Variants in THBS4 observed in about 807,000 individuals in gnomAD.
THBS4 encodes thrombospondin-4.
Under a neutral mutation model 115.7 loss-of-function variants are expected in THBS4, and 90 were observed. The observed-to-expected ratio is 0.78, with a 90% confidence interval of 0.66 to 0.93. THBS4 has a LOEUF of 0.93. Ranked by LOEUF, THBS4 falls within the 40% of genes least tolerant of loss-of-function variation. The pLI, the probability that THBS4 is intolerant of heterozygous loss-of-function variation, is 0.00. For missense variants in THBS4, 1,087 were observed against 1,232.7 expected (o/e 0.88, Z 1.77); for synonymous variants, 460 against 479.3 (o/e 0.96, Z 0.53).
At chr5:80,005,929 G>A (rs949389012) in intron 2 of THBS4, among the ~76,000 whole-genome samples, 1 of 151,822 alleles carries the variant, frequency 6.6e-6, no homozygotes, top group Non-Finnish European at 1.5e-5. Flanking sequence ...ATCATGCCCA[G>A]CTAATTTTTG....
chr5:80,067,922 G>A, intron 9 of THBS4, 51 bp from the exon 10 acceptor site: 1 of 1,599,664 alleles, frequency 6.3e-7, no homozygotes, highest in East Asian at 2.2e-5. Flanking sequence ...TGCTCAAACT[G>A]TACCTTTGCC....
intron 2 of THBS4, among the ~76,000 whole-genome samples, chr5:80,050,439 A>G (rs1833218881): frequency 6.6e-6 from 1 of 151,924 alleles, no homozygotes; most frequent in Non-Finnish European, 1.5e-5. Flanking sequence ...CCTGGGTGTG[A>G]TGGCAGAAAT....
intron 14 of THBS4, 106 bp from the exon 15 acceptor site, chr5:80,073,169 A>G: frequency 1.7e-6 from 2 of 1,204,972 alleles, no homozygotes; most frequent in African/African-American, 3.0e-5. Context: ...CCGGTTCCAG[A>G]GAAATAATTC....
At chr5:80,017,401 C>T (rs1349180845) in intron 2 of THBS4, among the ~76,000 whole-genome samples, 1 of 152,020 alleles carries the variant, frequency 6.6e-6, no homozygotes, top group African/African-American at 2.4e-5. Flanking sequence ...TCAATTTCTT[C>T]CATCTACTAA....
intron 2 of THBS4, among the ~76,000 whole-genome samples, chr5:80,051,220 G>A (rs959049255): frequency 5.9e-5 from 9 of 152,198 alleles, no homozygotes; most frequent in African/African-American, 1.9e-4. Flanking sequence ...CCAACAGGCT[G>A]CAGGCTCCTG....
rs76107321 is a variant in THBS4, at chr5:80,024,376, T to C, written n.178-15701T>C. 5.4e-3 allele frequency among the ~76,000 whole-genome samples: 817 copies of C among 152,322 alleles called. 10 individuals are homozygous for C. The highest frequency in any genetic ancestry group is 0.019 in the African/African-American group (779 of 41,566). On this transcript the variant is annotated intron_variant and non_coding_transcript_variant, in intron 2 of 3. Transcript: ENST00000510218. ...ATCCTGGGAATCAGTTTCAGGTCCC[T>C]GAAGTCAGAAGCCCAATGCTGTTCA...
chr5:79,991,555 C>A, intron 1 of THBS4: 1 of 268,310 alleles, frequency 3.7e-6, no homozygotes, highest in Non-Finnish European at 6.9e-6. Context: ...AGGGATGACC[C>A]AGTATTTACA....
At chr5:80,064,723 C>A (rs575254036) in intron 8 of THBS4, among the ~76,000 whole-genome samples, 67 of 152,184 alleles carry the variant, frequency 4.4e-4, no homozygotes, top group Middle Eastern at 3.4e-3. Context: ...CAGAGCAAGA[C>A]CCTGTCTCAA....
intron 15 of THBS4, 24 bp downstream of exon 15, chr5:80,073,351 G>A: frequency 6.2e-7 from 1 of 1,610,426 alleles, no homozygotes; most frequent in Non-Finnish European, 8.5e-7. Flanking sequence ...CCCAACTGCA[G>A]AGAGACAGAT....
At chr5:80,014,596 G>A (rs936176373) in intron 2 of THBS4, among the ~76,000 whole-genome samples, 17 of 152,196 alleles carry the variant, frequency 1.1e-4, no homozygotes, top group African/African-American at 3.9e-4. Flanking sequence ...GGGAGAAAGT[G>A]TCTGATACCA....
At chr5:80,067,230 G>A (rs1007653669) in intron 9 of THBS4, 1 of 151,608 alleles carries the variant, frequency 6.6e-6, no homozygotes, top group African/African-American at 2.4e-5. Context: ...TTAACTGACT[G>A]TGGTAATCAT....
rs759241386 is a variant in THBS4 at position 80,078,111 on chromosome 5, G to A, written c.2149G>A (p.Asp717Asn). 5 of 1,611,210 alleles carry A rather than the reference G, an allele frequency of 3.1e-6. No individual in the cohort carries two copies. Among genetic ancestry groups the A allele is most frequent in the African/African-American group, 1.3e-5 (1 of 75,010 alleles). Reference sequence around the variant, plus strand: ...CCAGGACCAGGTCATCGATCGGATCGACGTCTGCCCAGAGAACGCAGAGGT... The same window carrying A: ...CCAGGACCAGGTCATCGATCGGATCAACGTCTGCCCAGAGAACGCAGAGGT... ...FDQDQVIDRI[D>N]VCPENAEVTL... The change falls in exon 17 of 22, where the codon GAC becomes AAC. Residue 717 changes from aspartate to asparagine, a missense_variant. Transcript: ENST00000350881.
chr5:80,035,764 A>G lies in THBS4; in HGVS notation c.88+139A>G. On this transcript the variant is annotated intron_variant, in intron 1 of 21. Coordinates refer to ENST00000350881, the MANE Select transcript of THBS4 (RefSeq NM_003248.6). This position sits in a 1 kb window ranked among gnomAD's most constrained non-coding sequence, Gnocchi z 4.6. ...TGTCCCTCCCGGGCCCAATCAAAGCATATTGTGATTGGAGGTAGTGATTAG... is the reference window on the plus strand; with the variant it reads ...TGTCCCTCCCGGGCCCAATCAAAGCGTATTGTGATTGGAGGTAGTGATTAG... 3 of 624,408 alleles carry G rather than the reference A, an allele frequency of 4.8e-6. No individual in the cohort carries two copies. Among genetic ancestry groups the G allele is most frequent in the Non-Finnish European group, 4.6e-6 (2 of 431,964 alleles). 38.7% of individuals were successfully genotyped at this position (624,408 alleles called of 1,614,324 possible).
chr5:80,077,193 T>C, intron 16 of THBS4, 145 bp downstream of exon 16: 1 of 754,060 alleles, frequency 1.3e-6, no homozygotes, highest in Non-Finnish European at 2.1e-6. Flanking sequence ...TCTGCATAGC[T>C]GCAGCTTGTG....
At chr5:80,045,315 C>T (rs1250482592) in intron 2 of THBS4, among the ~76,000 whole-genome samples, 1 of 152,040 alleles carries the variant, frequency 6.6e-6, no homozygotes, top group East Asian at 1.9e-4. Context: ...GAAGGAAACC[C>T]AAAGTGTTTG....
intron 2 of THBS4, among the ~76,000 whole-genome samples, chr5:80,055,296 TG>T (rs1580954296): frequency 6.7e-6 from 1 of 150,184 alleles, no homozygotes; most frequent in Non-Finnish European, 1.5e-5. Flanking sequence ...CACTGCAGCC[TG>T]GGGGACAGAG....
intron 2 of THBS4, among the ~76,000 whole-genome samples, chr5:80,025,032 A>T (rs754632421): frequency 6.6e-6 from 1 of 152,164 alleles, no homozygotes; most frequent in African/African-American, 2.4e-5. Flanking sequence ...TGCTGAAAAA[A>T]TTGGTGCGTT....
At chr5:80,061,865 C>T in intron 8 of THBS4, 33 bp downstream of exon 8, 3 of 1,576,594 alleles carry the variant, frequency 1.9e-6, no homozygotes, top group Non-Finnish European at 2.6e-6. Flanking sequence ...ATTCATTTCT[C>T]ATCTTAACAA....
rs373892848 is a variant in THBS4, at chr5:80,077,017, G to T, written c.2055G>T (p.Leu685=). 8 of 1,610,710 alleles carry T rather than the reference G, an allele frequency of 5.0e-6. No individual in the cohort carries two copies. In the African/African-American group the frequency reaches 1.1e-4, roughly 22 times the overall value. The change falls in exon 16 of 22, where the codon CTG becomes CTT. Residue 685 remains leucine, a synonymous_variant. Transcript: ENST00000350881. Reference sequence around the variant, plus strand: ...CCCCTGGACCAGACAACTGCCGGCTGGTCCCCAACCCAGCCCAGGAGGATA... The same window carrying T: ...CCCCTGGACCAGACAACTGCCGGCTTGTCCCCAACCCAGCCCAGGAGGATA... ...LVPPGPDNCR[L]VPNPAQEDSN...
Sources: allele counts gnomAD v4.1 joint callset (sites outside exome capture counted in the v4.1 genomes callset), GRCh38; gene constraint gnomAD v4.1.1; non-coding constraint Gnocchi (gnomAD v3.1); transcripts MANE v1.5; gene names NCBI Gene and HGNC (gene_info 2026-07-23, HGNC 2026-07-21).